Variants in RFX4 observed in about 807,000 individuals in gnomAD.
RFX4 encodes transcription factor RFX4.
In RFX4, 10 loss-of-function variants were observed where a neutral mutation model predicts 95.0. The ratio of observed to expected loss-of-function variants is 0.11; its 90% confidence interval spans 0.06 to 0.18. The LOEUF (loss-of-function observed/expected upper bound fraction) is 0.18. RFX4 is among the 10% of genes least tolerant of loss of function. RFX4 has a pLI of 1.00. For synonymous variants in RFX4, 321 were observed against 340.7 expected, an observed-to-expected ratio of 0.94 and a Z score of 0.64; for missense variants, 640 against 922.0, an observed-to-expected ratio of 0.69 and a Z score of 3.96.
At chr12:106,747,379 G>A (rs945701549) in intron 15 of RFX4, 58 bp from the exon 16 acceptor site, 2 of 1,575,616 alleles carry the variant, frequency 1.3e-6, no homozygotes, top group African/African-American at 2.7e-5. Flanking sequence ...CTAAAGTAAG[G>A]AAGAACAAGG....
chr12:106,739,489 C>T (rs2042769431), intron 15 of RFX4, among the ~76,000 whole-genome samples: 1 of 152,150 alleles, frequency 6.6e-6, no homozygotes, highest in South Asian at 2.1e-4. Flanking sequence ...CTAGGGAATA[C>T]AAGGTAGTAC....
At chr12:106,615,000 TTTAA>T (rs1565950764) in intron 2 of RFX4, among the ~76,000 whole-genome samples, 1 of 152,190 alleles carries the variant, frequency 6.6e-6, no homozygotes, top group East Asian at 1.9e-4. Flanking sequence ...TCTAATAAAA[TTTAA>T]TTAATGTTTT....
intron 1 of RFX4, chr12:106,601,131 T>A: frequency 7.0e-7 from 1 of 1,433,236 alleles, no homozygotes; most frequent in Non-Finnish European, 9.2e-7. Context: ...GGGCAGGACC[T>A]GTGGCGTTGC....
intron 2 of RFX4, 75 bp from the exon 3 acceptor site, chr12:106,639,256 TG>T: frequency 4.0e-6 from 5 of 1,259,654 alleles, no homozygotes; most frequent in Non-Finnish European, 5.6e-6. Context: ...TTTTGAAACT[TG>T]GGAGAGTCGA....
chr12:106,746,869 C>T (rs1325921870), intron 15 of RFX4, among the ~76,000 whole-genome samples: 1 of 152,190 alleles, frequency 6.6e-6, no homozygotes, highest in Non-Finnish European at 1.5e-5. Context: ...GCCCTCCCTT[C>T]CTTTCTTCCT....
intron 2 of RFX4, among the ~76,000 whole-genome samples, chr12:106,611,465 G>A (rs2039959295): frequency 6.7e-6 from 1 of 148,712 alleles, no homozygotes; most frequent in African/African-American, 2.5e-5. Flanking sequence ...TTCGTGATCT[G>A]TTTTGAGCTA....
intron 2 of RFX4, among the ~76,000 whole-genome samples, chr12:106,632,548 G>A (rs1342518319): frequency 6.6e-6 from 1 of 152,210 alleles, no homozygotes; most frequent in African/African-American, 2.4e-5. Context: ...AGGTAAGGTT[G>A]CTGCTCCTCC....
Position 106,737,162 on chromosome 12 carries a change from GT to G in RFX4, c.1633+4117del, listed in dbSNP as rs556116618. Reference sequence around the variant, plus strand: ...TTTCCAGAATAGACTCGGAACTAAAGTTTTTTTTTTTTTTTTTTTTTTTTTT... The same window carrying G: ...TTTCCAGAATAGACTCGGAACTAAAGTTTTTTTTTTTTTTTTTTTTTTTTT... On this transcript the variant is annotated intron_variant, in intron 15 of 17. Transcript: ENST00000392842. Among the ~76,000 whole-genome samples, 269 of 54,918 alleles carry G rather than the reference GT, an allele frequency of 4.9e-3. 1 individual carries two copies. The highest frequency in any genetic ancestry group is 7.6e-3 in the Non-Finnish European group (219 of 28,644). 36.0% of individuals were successfully genotyped at this position (54,918 alleles called of 152,430 possible). A position where few individuals can be genotyped will look rare whatever the true frequency, so the allele number is the denominator to read the frequency against.
At chr12:106,624,655 T>C (rs1035943089) in intron 2 of RFX4, among the ~76,000 whole-genome samples, 18 of 151,968 alleles carry the variant, frequency 1.2e-4, no homozygotes, top group African/African-American at 4.4e-4. Flanking sequence ...TTAAAGAGTG[T>C]TGGGCGGGGC....
chr12:106,683,069 C>T (rs1162592489), intron 5 of RFX4: 3 of 152,174 alleles, frequency 2.0e-5, no homozygotes, highest in African/African-American at 4.8e-5. Context: ...ATTTTGACCA[C>T]GTTGAGCAGG....
chr12:106,629,954 G>A (rs565486939), intron 2 of RFX4, among the ~76,000 whole-genome samples: 1 of 152,286 alleles, frequency 6.6e-6, no homozygotes, highest in Admixed American at 6.5e-5. Context: ...AGAGTTGTGC[G>A]GTTGTGATTT....
intron 7 of RFX4, among the ~76,000 whole-genome samples, chr12:106,690,580 C>CT (rs1220118835): frequency 2.0e-5 from 3 of 146,448 alleles, no homozygotes; most frequent in Non-Finnish European, 3.0e-5. Context: ...AGGCTGGTTG[C>CT]TGGGGGGTGA....
Position 106,732,141 on chromosome 12 carries a change from C to T in RFX4, c.1363C>T (p.Leu455=), listed in dbSNP as rs768418949. ...HSAPSFGSFH[L]IHLMFDDYVL... is the part of the protein sequence containing the mutation. Reference sequence around the variant, plus strand: ...CTTTTTTTCACCAGGGTCTTTTCACCTAATTCACTTAATGTTTGATGACTA... The same window carrying T: ...CTTTTTTTCACCAGGGTCTTTTCACTTAATTCACTTAATGTTTGATGACTA... The change falls in exon 14 of 18, where the codon CTA becomes TTA. Residue 455 remains leucine (L), a synonymous_variant. Coordinates refer to ENST00000392842, the MANE Select transcript of RFX4 (RefSeq NM_213594.3). 1.9e-6 allele frequency: 3 copies of T among 1,613,374 alleles called. No homozygotes were observed. Among genetic ancestry groups the T allele is most frequent in the Non-Finnish European group, 2.5e-6 (3 of 1,179,612 alleles).
chr12:106,738,145 A>G (rs887884364), intron 15 of RFX4, among the ~76,000 whole-genome samples: 4 of 152,256 alleles, frequency 2.6e-5, no homozygotes, highest in East Asian at 3.9e-4. Context: ...AGAGCCATTT[A>G]CCCAAATAAT....
intron 8 of RFX4, 21 bp downstream of exon 8, chr12:106,696,467 C>A (rs190263647): frequency 3.1e-6 from 5 of 1,613,590 alleles, no homozygotes; most frequent in East Asian, 2.2e-5. Context: ...TTATTCTTGT[C>A]TTCCTTCACG....
chr12:106,669,877 T>C (rs924295425), intron 4 of RFX4, among the ~76,000 whole-genome samples: 3 of 151,308 alleles, frequency 2.0e-5, no homozygotes, highest in African/African-American at 7.3e-5. Flanking sequence ...TGTGTGTGTG[T>C]GTAGTGCCAT....
At chr12:106,594,009 A>T (rs1472223728) in intron 1 of RFX4, among the ~76,000 whole-genome samples, 1 of 152,218 alleles carries the variant, frequency 6.6e-6, no homozygotes, top group Admixed American at 6.5e-5. Context: ...GTGAGGGAAG[A>T]AGTAGGGTGC....
chr12:106,687,177 C>CTCTG (rs2041674202), intron 6 of RFX4, 80 bp downstream of exon 6: 1 of 741,228 alleles, frequency 1.3e-6, no homozygotes. Context: ...ATCTCTCTCT[C>CTCTG]TCTCTCACAC....
intron 8 of RFX4, among the ~76,000 whole-genome samples, chr12:106,700,201 TTTTTAC>T (rs1442164107): frequency 4.0e-5 from 6 of 151,858 alleles, no homozygotes; most frequent in Non-Finnish European, 8.8e-5. Context: ...CTGGCTAATT[TTTTTAC>T]TTTTATGTAG....
Sources: gnomAD v4.1 joint callset for allele counts (sites outside exome capture counted in the v4.1 genomes callset) on GRCh38, gnomAD v4.1.1 for gene constraint, MANE v1.5 for transcripts, NCBI Gene and HGNC (gene_info 2026-07-23, HGNC 2026-07-21) for gene names.